Variants in CDH20 observed in about 807,000 individuals in gnomAD.
The protein encoded by CDH20 is cadherin 20, also known as cadherin-20.
Under a neutral mutation model 74.2 loss-of-function variants are expected in CDH20, and 29 were observed. The observed-to-expected ratio is 0.39, with a 90% CI of 0.29 to 0.53. CDH20 has a LOEUF of 0.53. CDH20 is among the 20% of genes least tolerant of loss of function. The pLI is 0.69. For synonymous variants in CDH20, 469 were observed against 405.4 expected (o/e 1.16, Z -1.88); for missense variants, 988 against 1,048.3 (o/e 0.94, Z 0.79).
intron 1 of CDH20, among the ~76,000 whole-genome samples, chr18:61,404,348 T>C (rs1599062003): frequency 6.6e-6 from 1 of 152,354 alleles, no homozygotes; most frequent in East Asian, 1.9e-4. Flanking sequence ...TATTTTGTCT[T>C]TGAATCTTGA....
At chr18:61,449,558 AG>A (rs1305815594) in intron 1 of CDH20, among the ~76,000 whole-genome samples, 1 of 152,144 alleles carries the variant, frequency 6.6e-6, no homozygotes, top group Non-Finnish European at 1.5e-5. Flanking sequence ...AATAGGTGGT[AG>A]GGAACATGGC....
rs527513738 is a variant in CDH20 at position 61,498,779 on chromosome 18, G to A, written c.247-407G>A. Among the ~76,000 whole-genome samples, 5 of 152,224 alleles carry A rather than the reference G, an allele frequency of 3.3e-5. No individual in the cohort carries two copies. In the South Asian group the frequency reaches 1.0e-3, roughly 32 times the overall value. On this transcript the variant is annotated intron_variant, in intron 2 of 11. Coordinates refer to ENST00000262717, the MANE Select transcript of CDH20 (RefSeq NM_031891.4). ...ACTGTTTGATACTCCAAAACTTACG[G>A]CAATTTCTTCATTTTAACACGTTTA...
At chr18:61,440,422 G>T (rs1402167127) in intron 1 of CDH20, among the ~76,000 whole-genome samples, 7 of 152,106 alleles carry the variant, frequency 4.6e-5, no homozygotes, top group Non-Finnish European at 1.0e-4. Context: ...TACTACTTAG[G>T]AGTTGTTTGT....
intron 2 of CDH20, among the ~76,000 whole-genome samples, chr18:61,496,955 C>A (rs184774300): frequency 6.6e-6 from 1 of 152,128 alleles, no homozygotes; most frequent in East Asian, 1.9e-4. Context: ...TGTTCCTCTG[C>A]CTGAGAACAC....
intron 1 of CDH20, among the ~76,000 whole-genome samples, chr18:61,383,307 G>A (rs773382348): frequency 1.1e-4 from 17 of 152,010 alleles, no homozygotes; most frequent in Non-Finnish European, 1.9e-4. Context: ...CTGGCCAGGC[G>A]TGGTGGCTCA....
At chr18:61,443,034 T>C (rs1384161210) in intron 1 of CDH20, among the ~76,000 whole-genome samples, 1 of 152,170 alleles carries the variant, frequency 6.6e-6, no homozygotes, top group Non-Finnish European at 1.5e-5. Flanking sequence ...ACACGATAAG[T>C]TGTAAGTACT....
intron 1 of CDH20, among the ~76,000 whole-genome samples, chr18:61,471,472 G>T (rs544490255): frequency 6.6e-6 from 1 of 152,296 alleles, no homozygotes; most frequent in East Asian, 1.9e-4. Context: ...TTTAAAATCT[G>T]TTATCAATTG....
chr18:61,500,234 A>G, intron 3 of CDH20, 149 bp from the exon 4 acceptor site: 1 of 667,070 alleles, frequency 1.5e-6, no homozygotes, highest in Non-Finnish European at 2.4e-6. Context: ...AAACAGGTAC[A>G]AGATAAGAGT....
chr18:61,483,883 T>C (rs1209808674), intron 1 of CDH20, among the ~76,000 whole-genome samples: 2 of 152,152 alleles, frequency 1.3e-5, no homozygotes, highest in African/African-American at 2.4e-5. Flanking sequence ...AGATAGTAAG[T>C]GGTAGGGCTG....
chr18:61,552,907 C>T (rs1913484130), intron 11 of CDH20, among the ~76,000 whole-genome samples: 1 of 152,196 alleles, frequency 6.6e-6, no homozygotes, highest in Non-Finnish European at 1.5e-5. Context: ...CAAGCCCACG[C>T]TTCCTTAGAG....
intron 1 of CDH20, among the ~76,000 whole-genome samples, chr18:61,453,371 G>T (rs778703924): frequency 3.4e-4 from 52 of 152,164 alleles, no homozygotes; most frequent in Admixed American, 7.2e-4. Context: ...TCCATCTCCC[G>T]GGTTCAAGTG....
intron 10 of CDH20, among the ~76,000 whole-genome samples, chr18:61,547,816 A>C (rs1659119287): frequency 6.6e-6 from 1 of 151,884 alleles, no homozygotes; most frequent in Non-Finnish European, 1.5e-5. Context: ...ATTCAACAAA[A>C]ATTTTCCAAG....
chr18:61,373,269 C>T (rs1489802608), intron 1 of CDH20, among the ~76,000 whole-genome samples: 1 of 150,880 alleles, frequency 6.6e-6, no homozygotes, highest in African/African-American at 2.4e-5. Context: ...TCTAACTTTT[C>T]TACTTTGGGG....
intron 1 of CDH20, among the ~76,000 whole-genome samples, chr18:61,354,800 T>G (rs1053401392): frequency 6.6e-6 from 1 of 152,210 alleles, no homozygotes; most frequent in Non-Finnish European, 1.5e-5. Context: ...TATTTTTAAT[T>G]CTGTCATATT....
chr18:61,450,499 G>T (rs1326774989), intron 1 of CDH20, among the ~76,000 whole-genome samples: 2 of 151,630 alleles, frequency 1.3e-5, no homozygotes, highest in Non-Finnish European at 2.9e-5. Context: ...CAAGTCTAAA[G>T]CTCCTTTTCT....
intron 6 of CDH20, among the ~76,000 whole-genome samples, chr18:61,520,322 A>AAAG (rs1912159174): frequency 1.5e-5 from 1 of 68,724 alleles, no homozygotes; most frequent in Non-Finnish European, 3.3e-5. Flanking sequence ...TCTCAAAAAA[A>AAAG]AAAAAAAAAA....
At chr18:61,456,830 G>T (rs1909586887) in intron 1 of CDH20, among the ~76,000 whole-genome samples, 1 of 152,078 alleles carries the variant, frequency 6.6e-6, no homozygotes, top group Non-Finnish European at 1.5e-5. Flanking sequence ...TCTGGTGAGG[G>T]TTCTCTTCCT....
At chr18:61,420,193 G>T (rs973459927) in intron 1 of CDH20, among the ~76,000 whole-genome samples, 19 of 152,222 alleles carry the variant, frequency 1.2e-4, no homozygotes, top group African/African-American at 4.3e-4. Context: ...TGGCTACTGA[G>T]CGTTTGCATT....
chr18:61,453,356 C>A (rs914783138), intron 1 of CDH20, among the ~76,000 whole-genome samples: 1 of 152,180 alleles, frequency 6.6e-6, no homozygotes, highest in Non-Finnish European at 1.5e-5. Context: ...CGGCTCACTG[C>A]AACCTCCATC....
Sources: gnomAD v4.1 joint callset for allele counts (sites outside exome capture counted in the v4.1 genomes callset) on GRCh38, gnomAD v4.1.1 for gene constraint, MANE v1.5 for transcripts, NCBI Gene and HGNC (gene_info 2026-07-23, HGNC 2026-07-21) for gene names.